Variants in IL1RAPL1 observed in about 807,000 individuals in gnomAD.
IL1RAPL1 encodes the protein interleukin-1 receptor accessory protein-like 1.
IL1RAPL1 carries 3 observed loss-of-function variants against 48.4 expected under a neutral mutation model. The observed-to-expected ratio is 0.06, with a 90% CI of 0.03 to 0.16. The LOEUF (loss-of-function observed/expected upper bound fraction) is 0.16. Ranked by LOEUF, IL1RAPL1 falls within the 10% of genes least tolerant of loss-of-function variation. IL1RAPL1 has a pLI of 1.00. For missense variants in IL1RAPL1, 349 were observed against 530.6 expected (o/e 0.66, Z 3.36); for synonymous variants, 185 against 187.7 (o/e 0.99, Z 0.12).
intron 5 of IL1RAPL1, among the ~76,000 whole-genome samples, chrX:29,583,865 C>T (rs141541987): frequency 8.9e-6 from 1 of 111,765 alleles, no homozygotes; most frequent in African/African-American, 3.2e-5. Context: ...GAACTAGAGG[C>T]AGAAAATTTA....
intron 1 of IL1RAPL1, among the ~76,000 whole-genome samples, chrX:28,671,414 T>G (rs1934946033): frequency 8.9e-6 from 1 of 112,154 alleles, no homozygotes; most frequent in African/African-American, 3.2e-5. Context: ...TCAGCTATGA[T>G]GAAATTACTA....
chrX:28,615,612 C>T (rs1353841576), intron 1 of IL1RAPL1, among the ~76,000 whole-genome samples: 1 of 111,153 alleles, frequency 9.0e-6, no homozygotes, highest in Non-Finnish European at 1.9e-5. Context: ...AACAGCTCAG[C>T]CAGCCCCTCA....
intron 2 of IL1RAPL1, among the ~76,000 whole-genome samples, chrX:29,182,683 T>C (rs766277878): frequency 9.0e-6 from 1 of 111,228 alleles, no homozygotes; most frequent in East Asian, 2.8e-4. Context: ...TGACAAAACT[T>C]GTAACATATG....
intron 6 of IL1RAPL1, among the ~76,000 whole-genome samples, chrX:29,873,829 C>T (rs900994857): frequency 4.5e-5 from 5 of 111,427 alleles, no homozygotes; most frequent in African/African-American, 9.8e-5. Flanking sequence ...CTCCTATTAC[C>T]GCAGGTCTCC....
intron 5 of IL1RAPL1, among the ~76,000 whole-genome samples, chrX:29,585,836 C>G (rs1243067799): frequency 9.0e-6 from 1 of 111,713 alleles, no homozygotes; most frequent in African/African-American, 3.3e-5. Context: ...CTGTTCAAGT[C>G]TTTAGCCCAT....
chrX:29,230,510 A>AAAAAAAAAAAAAAAAC (rs1931173909), intron 2 of IL1RAPL1, among the ~76,000 whole-genome samples: 1 of 74,985 alleles, frequency 1.3e-5, no homozygotes, highest in Non-Finnish European at 2.4e-5. Context: ...TTACCAAAAA[A>AAAAAAAAAAAAAAAAC]AAAAAAAAAA....
At chrX:29,190,317 T>C (rs1456739565) in intron 2 of IL1RAPL1, among the ~76,000 whole-genome samples, 1 of 111,908 alleles carries the variant, frequency 8.9e-6, no homozygotes, top group Non-Finnish European at 1.9e-5. Context: ...TAGAGGTTTT[T>C]TAAAAAGTAC....
At chrX:28,754,677 T>C (rs930773431) in intron 1 of IL1RAPL1, among the ~76,000 whole-genome samples, 6 of 112,078 alleles carry the variant, frequency 5.4e-5, no homozygotes, top group African/African-American at 1.9e-4. Flanking sequence ...TTCTTACCAG[T>C]GTATGTAAGT....
rs779727209 is a variant in IL1RAPL1, at chrX:29,882,101, T to C, written c.779-35363T>C. ...TAGCATTAATGACAGGTGGACTCAA[T>C]TTATTTTCTCTAAGCAGCTGAAAAT... On this transcript the variant is annotated intron_variant, in intron 6 of 10. Transcript: ENST00000378993. Among the ~76,000 whole-genome samples the C allele has an allele frequency of 3.6e-5, 4 of 112,058 alleles. No individual in the cohort carries two copies. In the East Asian group the frequency reaches 1.1e-3, roughly 31 times the overall value.
chrX:29,515,827 C>CA (rs1227855311), intron 5 of IL1RAPL1, among the ~76,000 whole-genome samples: 1 of 111,126 alleles, frequency 9.0e-6, no homozygotes, highest in East Asian at 2.8e-4. Context: ...GCTGGGACTA[C>CA]AGGCATGTAC....
intron 2 of IL1RAPL1, among the ~76,000 whole-genome samples, chrX:29,261,820 A>G (rs766289772): frequency 9.0e-6 from 1 of 111,141 alleles, no homozygotes; most frequent in Non-Finnish European, 1.9e-5. Context: ...GCCTTCCTAG[A>G]TGACCTCAAT....
At chrX:28,918,455 A>C (rs976810638) in intron 2 of IL1RAPL1, among the ~76,000 whole-genome samples, 1 of 111,985 alleles carries the variant, frequency 8.9e-6, no homozygotes, top group African/African-American at 3.2e-5. Context: ...AAAAGGCCCA[A>C]TGCCCCCCAT....
intron 5 of IL1RAPL1, among the ~76,000 whole-genome samples, chrX:29,533,259 ACTC>A (rs1157224463): frequency 2.7e-5 from 3 of 111,089 alleles, no homozygotes; most frequent in Admixed American, 1.9e-4. Context: ...ATTAGCTGTC[ACTC>A]CTCATATCTC....
At chrX:28,719,534 T>A (rs1544334) in intron 1 of IL1RAPL1, among the ~76,000 whole-genome samples, 53,047 of 107,846 alleles carry the variant, frequency 0.49, 10,180 homozygotes, top group Middle Eastern at 0.72. Context: ...AGTTTTTTTT[T>A]AAATGTAAGC....
chrX:29,813,777 GCT>G (rs1930430296), intron 6 of IL1RAPL1, among the ~76,000 whole-genome samples: 1 of 110,477 alleles, frequency 9.1e-6, no homozygotes, highest in Non-Finnish European at 1.9e-5. Context: ...AGTGTCTGTT[GCT>G]CTCATATTTA....
chrX:28,668,742 G>A (rs1934912756), intron 1 of IL1RAPL1, among the ~76,000 whole-genome samples: 1 of 111,861 alleles, frequency 8.9e-6, no homozygotes, highest in Admixed American at 9.5e-5. Context: ...GAAGTTTTCT[G>A]TTGGAAAACG....
In IL1RAPL1 at chrX:29,180,417, C is replaced by T. The variant is rs1417554500; in HGVS notation, c.83-102521C>T. 3.6e-5 allele frequency among the ~76,000 whole-genome samples: 4 copies of T among 109,842 alleles called. No individual in the cohort carries two copies. In the East Asian group the frequency reaches 1.1e-3, roughly 31 times the overall value. On this transcript the variant is annotated intron_variant, in intron 2 of 10. Coordinates refer to ENST00000378993, the MANE Select transcript of IL1RAPL1 (RefSeq NM_014271.4). ...TTGAGATGGAGTTTTGCTGTCGTTG[C>T]CCAGGCTGGAGTGCAATGGTGCTGT...
At chrX:29,133,282 C>T (rs1397780690) in intron 2 of IL1RAPL1, among the ~76,000 whole-genome samples, 2 of 111,690 alleles carry the variant, frequency 1.8e-5, no homozygotes, top group African/African-American at 6.5e-5. Flanking sequence ...AAAAGTGACA[C>T]ACCCTCAACT....
At chrX:29,208,705 CAAA>C (rs1431548361) in intron 2 of IL1RAPL1, among the ~76,000 whole-genome samples, 7 of 88,846 alleles carry the variant, frequency 7.9e-5, no homozygotes, top group East Asian at 7.4e-4. Context: ...AGCAAGATTC[CAAA>C]AATAATAATA....
Sources: allele counts gnomAD v4.1 joint callset (sites outside exome capture counted in the v4.1 genomes callset), GRCh38; gene constraint gnomAD v4.1.1; transcripts MANE v1.5; gene names NCBI Gene and HGNC (gene_info 2026-07-23, HGNC 2026-07-21).